PRSS36: variants seen among roughly 807,000 people sequenced by gnomAD.
The protein encoded by PRSS36 is polyserase-2.
PRSS36 carries 90 observed loss-of-function variants against 94.3 expected under a neutral mutation model. The observed-to-expected ratio is 0.95, with a 90% CI of 0.80 to 1.14. The LOEUF (loss-of-function observed/expected upper bound fraction) is 1.14. Among genes scored for constraint, PRSS36 ranks in the 50% most tolerant of loss-of-function variants. The pLI is 0.00. For synonymous variants in PRSS36, 500 were observed against 489.6 expected, an observed-to-expected ratio of 1.02 and a Z score of -0.28; for missense variants, 1,158 against 1,135.0, an observed-to-expected ratio of 1.02 and a Z score of -0.29.
At chr16:31,145,643 TACAC>T in intron 6 of PRSS36, 142 bp downstream of exon 6, 1 of 822,126 alleles carries the variant, frequency 1.2e-6, no homozygotes, top group Non-Finnish European at 1.9e-6. Context: ...TGTCTCAAAA[TACAC>T]AAACAAAAAA....
chr16:31,148,782 G>C (rs948918810), intron 4 of PRSS36, 107 bp from the exon 5 acceptor site: 17 of 1,451,004 alleles, frequency 1.2e-5, no homozygotes, highest in East Asian at 2.3e-5. Flanking sequence ...ATCCGATCCA[G>C]ATTTGGTGCT....
rs766505133 is a variant in PRSS36, at chr16:31,139,200, C to A, written c.2506G>T (p.Ala836Ser). ...TAGACTGCATGCGGGGATCCCGAGG[C>A]CTTGGCCAGTTCTGGGGGGCAGAGA... is the stretch of plus-strand genomic sequence containing the variant. ...SNLCPPELAK[A>S]SGSPHAVYFL... is the part of the protein sequence containing the mutation. Residue 836 changes from alanine (A) to serine (S), a missense_variant, in exon 15 of 15, where the codon GCC becomes TCC. Ala to Ser is a moderately conservative substitution (Grantham distance 99). Transcript: ENST00000268281. 3.1e-6 allele frequency: 5 copies of A among 1,610,662 alleles called. No homozygotes were observed. In the African/African-American group the frequency reaches 6.7e-5, roughly 22 times the overall value.
rs1213814687 is a variant in PRSS36, at chr16:31,140,777, T to G, written c.1902-20A>C. ...CCTGGCCTGTTGGAACAAGGTCCAA[T>G]GTCACCTTCTGCTCCTCCCATTGCT... On this transcript the variant is annotated intron_variant, in intron 12 of 14. Transcript: ENST00000268281. 2 of 1,612,104 alleles carry G rather than the reference T, an allele frequency of 1.2e-6. No individual in the cohort carries two copies. Among genetic ancestry groups the G allele is most frequent in the Non-Finnish European group, 1.7e-6 (2 of 1,179,116 alleles).
chr16:31,139,405 T>C lies in PRSS36; in HGVS notation c.2301A>G (p.Ala767=). 6.2e-7 allele frequency: 1 copy of C among 1,613,376 alleles called. No homozygotes were observed. The highest frequency in any genetic ancestry group is 8.5e-7 in the Non-Finnish European group (1 of 1,179,546). Residue 767 remains alanine (A), a synonymous_variant, in exon 15 of 15, where the codon GCA becomes GCG. Coordinates refer to ENST00000268281, the MANE Select transcript of PRSS36 (RefSeq NM_173502.5). ...GQENRCEMTS[A]PPLLCQMTEG... ...CCGTCATCTGGCACAGGAGGGGCGG[T>C]GCTGAGGTCATCTGCAGAGTTGGAG... is the stretch of plus-strand genomic sequence containing the variant.
chr16:31,142,709 C>T (rs777587906), intron 9 of PRSS36, 28 bp downstream of exon 9: 2 of 1,348,062 alleles, frequency 1.5e-6, no homozygotes, highest in Non-Finnish European at 9.5e-7. Context: ...CCCGGTGCCG[C>T]CCGGCCCAGC....
intron 3 of PRSS36, 81 bp from the exon 4 acceptor site, chr16:31,149,316 G>T: frequency 6.6e-7 from 1 of 1,506,762 alleles, no homozygotes; most frequent in Non-Finnish European, 9.0e-7. Context: ...ACGAAGGCCC[G>T]TCCTCCACCC....
At chr16:31,149,655 C>G (rs1192123856) in intron 2 of PRSS36, 41 bp downstream of exon 2, 1 of 1,613,984 alleles carries the variant, frequency 6.2e-7, no homozygotes, top group Non-Finnish European at 8.5e-7. Flanking sequence ...CTGGTCTTTT[C>G]TGCCTCTGCA....
chr16:31,142,019 C>A (rs1383152063), intron 10 of PRSS36, 59 bp from the exon 11 acceptor site: 4 of 1,479,150 alleles, frequency 2.7e-6, no homozygotes, highest in Non-Finnish European at 3.8e-6. Flanking sequence ...AATATCAGAG[C>A]TCCTGGGGCT....
At chr16:31,147,013 A>G (rs1329250551) in intron 5 of PRSS36, among the ~76,000 whole-genome samples, 3 of 152,108 alleles carry the variant, frequency 2.0e-5, no homozygotes, top group African/African-American at 7.2e-5. Flanking sequence ...TGAAAAAAAG[A>G]AAAGAATTTG....
At chr16:31,143,933 C>T (rs1300950338) in intron 6 of PRSS36, 96 bp from the exon 7 acceptor site, 2 of 1,488,328 alleles carry the variant, frequency 1.3e-6, no homozygotes, top group East Asian at 2.3e-5. Context: ...CACCTTCTCC[C>T]TTCTCCTAGA....
At chr16:31,143,247 C>G (rs997832323) in intron 8 of PRSS36, 95 bp downstream of exon 8, 14 of 1,505,042 alleles carry the variant, frequency 9.3e-6, no homozygotes, top group Middle Eastern at 4.2e-4. Context: ...CCCCGCCCCC[C>G]CCACACCCCC....
chr16:31,146,031 C>T, intron 5 of PRSS36, 76 bp from the exon 6 acceptor site: 2 of 1,420,870 alleles, frequency 1.4e-6, no homozygotes, highest in Non-Finnish European at 1.9e-6. Flanking sequence ...GGTTTGCCTC[C>T]TGCGGCTGCT....
Position 31,148,393 on chromosome 16 carries a change from A to C in PRSS36, c.553+2T>G, listed in dbSNP as rs751629725. The C allele has an allele frequency of 6.4e-6, 10 of 1,559,850 alleles. No individual in the cohort carries two copies. The highest frequency in any genetic ancestry group is 8.6e-6 in the Non-Finnish European group (10 of 1,162,470). ...CCTCCCCTCTTGTCCCGTCCCACTCACCTGCCTCCTGGACGTCTCCCCAGC... is the reference window on the plus strand; with the variant it reads ...CCTCCCCTCTTGTCCCGTCCCACTCCCCTGCCTCCTGGACGTCTCCCCAGC... On this transcript the variant is annotated splice_donor_variant, in intron 5 of 14. Coordinates refer to ENST00000268281, the MANE Select transcript of PRSS36 (RefSeq NM_173502.5). LOFTEE classifies it high-confidence loss of function.
At position 31,139,370 on chromosome 16, in the gene PRSS36, C is replaced by T. The variant is rs781722608; in HGVS notation, c.2336G>A (p.Trp779Ter). ...PLLCQMTEGSWILVGMAVQGS... is the reference protein window; with the variant it reads ...PLLCQMTEGS ...TTGAACAGCCATGCCCACGAGGATC[C>T]AGGACCCTTCCGTCATCTGGCACAG... The change falls in exon 15 of 15, where the codon TGG becomes TAG. Residue 779 changes from tryptophan to a stop codon, truncating the protein, a stop_gained. Coordinates refer to ENST00000268281, the MANE Select transcript of PRSS36 (RefSeq NM_173502.5). LOFTEE classifies it low-confidence loss of function (END_TRUNC). 10 of 1,614,144 alleles carry T rather than the reference C, an allele frequency of 6.2e-6. No homozygotes were observed. The Admixed American group carries it at 1.2e-4, about 19-fold the overall frequency.
chr16:31,149,897 C>T, intron 1 of PRSS36, 102 bp downstream of exon 1: 1 of 1,549,378 alleles, frequency 6.5e-7, no homozygotes, highest in Non-Finnish European at 8.9e-7. Context: ...TTCCTTCTCT[C>T]TGACTTCCTG....
intron 6 of PRSS36, 29 bp from the exon 7 acceptor site, chr16:31,143,866 G>C (rs756571593): frequency 1.2e-6 from 2 of 1,611,502 alleles, no homozygotes; most frequent in Admixed American, 3.3e-5. Flanking sequence ...ATGTCAAGGG[G>C]TCAGCCCAGG....
chr16:31,140,567 TGGG>T lies in PRSS36; in HGVS notation c.2089_2091del (p.Pro697del). 8 of 1,595,858 alleles carry T rather than the reference TGGG, an allele frequency of 5.0e-6. No individual in the cohort carries two copies. Among genetic ancestry groups the T allele is most frequent in the Non-Finnish European group, 6.8e-6 (8 of 1,170,970 alleles). ...GGGATACCCGCCGGGTGGAGACAGA[TGGG>T]CAGGGCTGATGGGGAGGGCTCCACC... On this transcript the variant is annotated inframe_deletion, in exon 13 of 15. Transcript: ENST00000268281.
At chr16:31,142,174 A>G (rs2057705782) in intron 10 of PRSS36, among the ~76,000 whole-genome samples, 1 of 152,234 alleles carries the variant, frequency 6.6e-6, no homozygotes, top group Non-Finnish European at 1.5e-5. Flanking sequence ...CCATAGCACC[A>G]GCTCAGAGCC....
At chr16:31,143,214 G>A in intron 8 of PRSS36, 128 bp downstream of exon 8, 1 of 1,434,834 alleles carries the variant, frequency 7.0e-7, no homozygotes, top group Non-Finnish European at 9.4e-7. Flanking sequence ...TTTTTGTGCT[G>A]GATCCTACAC....
Sources: gnomAD v4.1 joint callset for allele counts (sites outside exome capture counted in the v4.1 genomes callset) on GRCh38, gnomAD v4.1.1 for gene constraint, MANE v1.5 for transcripts, NCBI Gene and HGNC (gene_info 2026-07-23, HGNC 2026-07-21) for gene names.